Variants in CACNA1E observed in about 807,000 individuals in gnomAD.
CACNA1E encodes the protein voltage-dependent R-type calcium channel subunit alpha-1E.
A neutral mutation model predicts 259.2 loss-of-function variants in CACNA1E; 40 were observed. The observed-to-expected ratio is 0.15, with a 90% CI of 0.12 to 0.20. The LOEUF (loss-of-function observed/expected upper bound fraction) is 0.20, where lower values mean the gene tolerates loss of function less well. Among genes scored for constraint, CACNA1E ranks in the 10% least tolerant of loss-of-function variants. The probability of loss-of-function intolerance (pLI) is 1.00; values close to 1 mark genes in which losing one functional copy is unlikely to be tolerated. For missense variants in CACNA1E, 1,874 were observed against 3,040.1 expected (o/e 0.62, Z 9.02); for synonymous variants, 1,104 against 1,138.5 (o/e 0.97, Z 0.61).
At chr1:181,777,084 C>A (rs1221379592) in intron 38 of CACNA1E, among the ~76,000 whole-genome samples, 1 of 152,190 alleles carries the variant, frequency 6.6e-6, no homozygotes, top group Non-Finnish European at 1.5e-5. Context: ...ATTTTTGCAA[C>A]AACCTATATA....
chr1:181,361,688 A>G (rs770954198), intron 1 of CACNA1E, among the ~76,000 whole-genome samples: 14 of 152,056 alleles, frequency 9.2e-5, no homozygotes, highest in Non-Finnish European at 1.8e-4. Flanking sequence ...TGGTGCCCCA[A>G]GTTCTGCCTG....
chr1:181,581,512 A>C (rs899301057), intron 6 of CACNA1E, among the ~76,000 whole-genome samples: 1 of 152,300 alleles, frequency 6.6e-6, no homozygotes, highest in East Asian at 1.9e-4. Context: ...GGTGATTCAC[A>C]TGATCAGACA....
chr1:181,503,875 C>T lies in CACNA1E; in HGVS notation c.267-6602C>T, dbSNP rs567623563. On this transcript the variant is annotated intron_variant, in intron 1 of 47. Coordinates refer to ENST00000367573, the MANE Select transcript of CACNA1E (RefSeq NM_001205293.3). ...CCTGGCTCTGGTTTCCTTTACCAAG[C>T]TACATTTTTTCCATTGCATTCCAGG... Among the ~76,000 whole-genome samples the T allele has an allele frequency of 5.9e-5, 9 of 152,190 alleles. No homozygotes were observed. In the South Asian group the frequency reaches 1.9e-3, roughly 31 times the overall value.
At chr1:181,386,943 G>A (rs1378030703) in intron 1 of CACNA1E, among the ~76,000 whole-genome samples, 3 of 152,290 alleles carry the variant, frequency 2.0e-5, no homozygotes, top group South Asian at 2.1e-4. Context: ...TTGCCTCATC[G>A]CAGGCCACAT....
At chr1:181,676,933 A>G (rs1356877809) in intron 7 of CACNA1E, among the ~76,000 whole-genome samples, 2 of 152,210 alleles carry the variant, frequency 1.3e-5, no homozygotes, top group African/African-American at 2.4e-5. Context: ...CTTCCTCCAG[A>G]AAACACTTTT....
chr1:181,701,307 G>A (rs1050971871), intron 7 of CACNA1E, among the ~76,000 whole-genome samples: 31 of 152,190 alleles, frequency 2.0e-4, no homozygotes, highest in African/African-American at 7.5e-4. Context: ...TGCGAAATGT[G>A]TCTCTGAGAA....
chr1:181,390,175 G>A (rs1265901615), intron 1 of CACNA1E, among the ~76,000 whole-genome samples: 1 of 152,178 alleles, frequency 6.6e-6, no homozygotes, highest in African/African-American at 2.4e-5. Flanking sequence ...GTGGGAGGGG[G>A]CTTAAGCCAC....
intron 3 of CACNA1E, among the ~76,000 whole-genome samples, chr1:181,554,391 A>G (rs184345776): frequency 3.3e-4 from 50 of 152,330 alleles, no homozygotes; most frequent in African/African-American, 1.2e-3. Flanking sequence ...CAGGGGTTCA[A>G]TCTACCATTG....
intron 6 of CACNA1E, among the ~76,000 whole-genome samples, chr1:181,643,492 T>C (rs1320486734): frequency 6.6e-6 from 1 of 152,100 alleles, no homozygotes; most frequent in African/African-American, 2.4e-5. Flanking sequence ...CCCAAGAGCG[T>C]GGATGGGTTT....
chr1:181,752,051 CT>C, intron 26 of CACNA1E, 91 bp from the exon 27 acceptor site: 3 of 924,386 alleles, frequency 3.2e-6, no homozygotes, highest in Non-Finnish European at 5.3e-6. Context: ...CATCTCTCCC[CT>C]TTTAGCCTGT....
At chr1:181,781,376 C>T in intron 38 of CACNA1E, 51 bp from the exon 39 acceptor site, 3 of 835,700 alleles carry the variant, frequency 3.6e-6, no homozygotes, top group Non-Finnish European at 6.1e-6. Flanking sequence ...CCCTGCCACC[C>T]CACTGCCCCG....
chr1:181,346,391 C>T (rs1409972373), intron 1 of CACNA1E, among the ~76,000 whole-genome samples: 4 of 152,226 alleles, frequency 2.6e-5, no homozygotes, highest in Non-Finnish European at 4.4e-5. Context: ...CATGAGAATG[C>T]AGGCTACAGA....
At chr1:181,342,771 T>C (rs1393253686) in intron 1 of CACNA1E, among the ~76,000 whole-genome samples, 2 of 152,210 alleles carry the variant, frequency 1.3e-5, no homozygotes, top group Non-Finnish European at 2.9e-5. Flanking sequence ...AGAGGACCAC[T>C]GATAGAGAAC....
intron 3 of CACNA1E, among the ~76,000 whole-genome samples, chr1:181,573,589 C>A (rs554958394): frequency 6.6e-6 from 1 of 152,168 alleles, no homozygotes; most frequent in Non-Finnish European, 1.5e-5. Flanking sequence ...AAGAATATTA[C>A]CATCTCAACA....
chr1:181,469,065 T>C (rs1662332955), intron 2 of CACNA1E, among the ~76,000 whole-genome samples: 1 of 152,192 alleles, frequency 6.6e-6, no homozygotes, highest in African/African-American at 2.4e-5. Context: ...AATTTTTTTT[T>C]TAACCAGATA....
intron 2 of CACNA1E, among the ~76,000 whole-genome samples, chr1:181,442,246 G>GTGTGAAGGGCACAGT (rs1397992641): frequency 6.6e-6 from 1 of 151,784 alleles, no homozygotes; most frequent in African/African-American, 2.4e-5. Context: ...AGGGACACAG[G>GTGTGAAGGGCACAGT]TGTGAAGGGC....
chr1:181,687,030 G>A (rs1650649070), intron 7 of CACNA1E, among the ~76,000 whole-genome samples: 2 of 152,186 alleles, frequency 1.3e-5, no homozygotes, highest in South Asian at 4.2e-4. Context: ...TGTGATTGAT[G>A]TGATTGGGAA....
intron 6 of CACNA1E, among the ~76,000 whole-genome samples, chr1:181,631,544 T>C (rs1656741546): frequency 6.6e-6 from 1 of 152,176 alleles, no homozygotes; most frequent in African/African-American, 2.4e-5. Flanking sequence ...GCCTGGAGTG[T>C]GTTCAGGATT....
intron 3 of CACNA1E, among the ~76,000 whole-genome samples, chr1:181,555,372 C>A (rs1648611381): frequency 6.6e-6 from 1 of 152,162 alleles, no homozygotes; most frequent in Admixed American, 6.5e-5. Context: ...TCTTTCCCAC[C>A]TTCTCCTAAT....
Sources: gnomAD v4.1 joint callset for allele counts (sites outside exome capture counted in the v4.1 genomes callset) on GRCh38, gnomAD v4.1.1 for gene constraint, MANE v1.5 for transcripts, NCBI Gene and HGNC (gene_info 2026-07-23, HGNC 2026-07-21) for gene names.